Variants in CAPS2 observed in about 807,000 individuals in gnomAD.
CAPS2 encodes calcyphosine 2, also known as calcyphosin-2.
Under a neutral mutation model 86.5 loss-of-function variants are expected in CAPS2, and 98 were observed. The observed-to-expected ratio is 1.13, with a 90% CI of 0.96 to 1.34. The LOEUF is 1.34. Among genes scored for constraint, CAPS2 ranks in the 40% most tolerant of loss-of-function variants. CAPS2 has a pLI of 0.00. For missense variants in CAPS2, 729 were observed against 686.8 expected, an observed-to-expected ratio of 1.06 and a Z score of -0.69; for synonymous variants, 210 against 225.1, an observed-to-expected ratio of 0.93 and a Z score of 0.60.
At chr12:75,326,819 T>C (rs1014522014), upstream of CAPS2, among the ~76,000 whole-genome samples, 1 of 152,188 alleles carries the variant, frequency 6.6e-6, no homozygotes, top group Admixed American at 6.5e-5. Context: ...ATGGGGAGAT[T>C]ATCCTGGATT....
At chr12:75,292,970 T>G (rs1442301786) in intron 12 of CAPS2, among the ~76,000 whole-genome samples, 1 of 151,774 alleles carries the variant, frequency 6.6e-6, no homozygotes, top group Middle Eastern at 3.4e-3. Flanking sequence ...TGGTAATACT[T>G]GGTAAAATAA....
chr12:75,294,710 G>A (rs1237257716), intron 11 of CAPS2, among the ~76,000 whole-genome samples: 1 of 152,112 alleles, frequency 6.6e-6, no homozygotes, highest in Non-Finnish European at 1.5e-5. Flanking sequence ...GTACCCCGGA[G>A]TCTTCTTACT....
At chr12:75,390,377 T>C (rs766070193) in intron 1 of CAPS2, 1 of 456,320 alleles carries the variant, frequency 2.2e-6, no homozygotes, top group South Asian at 1.5e-5. Flanking sequence ...GCTGTCTGAA[T>C]TGTGCTGATG....
At chr12:75,386,283 G>C (rs2045287653) in intron 1 of CAPS2, among the ~76,000 whole-genome samples, 1 of 152,170 alleles carries the variant, frequency 6.6e-6, no homozygotes, top group South Asian at 2.1e-4. Context: ...GTCTCAGTCT[G>C]TTTTGTGCTG....
chr12:75,276,539 GA>G (rs2032962597), downstream of CAPS2: 1 of 978,312 alleles, frequency 1.0e-6, no homozygotes, highest in South Asian at 4.7e-5. Flanking sequence ...TTAAAACAGG[GA>G]CATACATGTT....
chr12:75,325,267 A>G (rs2040660300), exon 2 of CAPS2: 2 of 1,549,172 alleles, frequency 1.3e-6, no homozygotes, highest in African/African-American at 2.7e-5. Context: ...TGGTTTGTCC[A>G]TGACTCAGAA....
chr12:75,335,438 A>G (rs530497052), intron 1 of CAPS2, among the ~76,000 whole-genome samples: 1 of 152,326 alleles, frequency 6.6e-6, no homozygotes, highest in South Asian at 2.1e-4. Context: ...GAATTTACAA[A>G]ATTTTAAATA....
intron 12 of CAPS2, among the ~76,000 whole-genome samples, chr12:75,292,347 T>C (rs1281591532): frequency 6.6e-6 from 1 of 152,046 alleles, no homozygotes; most frequent in African/African-American, 2.4e-5. Context: ...ATTACAGGAG[T>C]GAGCCGCTGC....
rs1317957287 is a variant in CAPS2, at chr12:75,292,257, G to A, written c.1164-437C>T. ...AATTTTTGTATTTTTTAGTAGAGAC[G>A]GGATTTCACCATGTTGGCCAGGCTG... On this transcript the variant is annotated intron_variant, in intron 12 of 16. Coordinates refer to ENST00000393284, the Ensembl canonical transcript of CAPS2. Among the ~76,000 whole-genome samples, 5 of 151,876 alleles carry A rather than the reference G, an allele frequency of 3.3e-5. No homozygotes were observed. The East Asian group carries it at 5.8e-4, about 18-fold the overall frequency.
chr12:75,352,408 G>T (rs2042876560), intron 1 of CAPS2, among the ~76,000 whole-genome samples: 1 of 152,024 alleles, frequency 6.6e-6, no homozygotes, highest in African/African-American at 2.4e-5. Context: ...GACAAAGAAG[G>T]GCATTACATA....
upstream of CAPS2, chr12:75,329,934 A>G (rs899815093): frequency 5.8e-6 from 8 of 1,387,642 alleles, no homozygotes; most frequent in African/African-American, 1.2e-4. Flanking sequence ...TCACCTAACA[A>G]GCTCGGTAAG....
At chr12:75,312,939 C>A (rs755146564) in intron 6 of CAPS2, 24 bp from the exon 7 acceptor site, 1 of 1,440,684 alleles carries the variant, frequency 6.9e-7, no homozygotes, top group South Asian at 1.1e-5. Flanking sequence ...ATAAAGACAA[C>A]TTCACCATCC....
At chr12:75,304,916 C>A in intron 7 of CAPS2, 40 bp from the exon 8 acceptor site, 1 of 1,588,598 alleles carries the variant, frequency 6.3e-7, no homozygotes. Flanking sequence ...TAAATATGAT[C>A]ATGCATTACT....
At chr12:75,327,094 T>C (rs969659060), upstream of CAPS2, among the ~76,000 whole-genome samples, 4 of 152,198 alleles carry the variant, frequency 2.6e-5, no homozygotes, top group African/African-American at 9.6e-5. Flanking sequence ...ATGTTGTACT[T>C]CTGACCTCCA....
chr12:75,361,286 G>T (rs780964182), intron 1 of CAPS2, among the ~76,000 whole-genome samples: 10 of 152,150 alleles, frequency 6.6e-5, no homozygotes, highest in Admixed American at 2.0e-4. Context: ...GGAAAGGGTA[G>T]GTATATGTAA....
intron 1 of CAPS2, among the ~76,000 whole-genome samples, chr12:75,368,356 C>T (rs1280178744): frequency 6.7e-6 from 1 of 149,564 alleles, no homozygotes; most frequent in Non-Finnish European, 1.5e-5. Flanking sequence ...TACATGTTAA[C>T]TTTAACAATT....
upstream of CAPS2, chr12:75,334,697 C>CA: frequency 6.3e-7 from 1 of 1,597,230 alleles, no homozygotes. Context: ...TCCGCGCAGT[C>CA]AGGGCATCCT....
At chr12:75,276,418 T>G, downstream of CAPS2, 6 of 981,614 alleles carry the variant, frequency 6.1e-6, no homozygotes, top group Non-Finnish European at 7.3e-6. Context: ...AAAAGTAATA[T>G]GTAAAATAAG....
chr12:75,306,345 A>T, intron 7 of CAPS2: 1 of 464,280 alleles, frequency 2.2e-6, no homozygotes, highest in East Asian at 4.7e-5. Flanking sequence ...CTCCTGTAAC[A>T]GTGTCTCTGA....
Sources: allele counts gnomAD v4.1 joint callset (sites outside exome capture counted in the v4.1 genomes callset), GRCh38; gene constraint gnomAD v4.1.1; transcripts MANE v1.5; gene names NCBI Gene and HGNC (gene_info 2026-07-23, HGNC 2026-07-21).